CIB3: variants seen among roughly 807,000 people sequenced by gnomAD.
CIB3 encodes the protein calcium and integrin-binding family member 3.
In CIB3, 22 loss-of-function variants were observed where a neutral mutation model predicts 23.4. The observed-to-expected ratio is 0.94, with a 90% confidence interval of 0.67 to 1.34. The LOEUF (loss-of-function observed/expected upper bound fraction) is 1.34, where lower values mean the gene tolerates loss of function less well. CIB3 is among the 40% of genes most tolerant of loss of function. The probability of loss-of-function intolerance (pLI) is 0.00; values close to 1 mark genes in which losing one functional copy is unlikely to be tolerated. For missense variants in CIB3, 258 were observed against 247.3 expected (o/e 1.04, Z -0.29); for synonymous variants, 93 against 95.8 (o/e 0.97, Z 0.17).
intron 2 of CIB3, among the ~76,000 whole-genome samples, chr19:16,170,127 G>A (rs1192189200): frequency 6.6e-6 from 1 of 152,110 alleles, no homozygotes. Context: ...ATTCACAGCT[G>A]CTCACTGCAC....
chr19:16,165,496 T>C (rs1468595853), intron 4 of CIB3, among the ~76,000 whole-genome samples: 2 of 151,678 alleles, frequency 1.3e-5, no homozygotes, highest in East Asian at 3.9e-4. Flanking sequence ...CAGGCTGGAG[T>C]GCAGTGGCAC....
At chr19:16,172,567 G>C (rs976707810) in intron 2 of CIB3, among the ~76,000 whole-genome samples, 11 of 152,176 alleles carry the variant, frequency 7.2e-5, no homozygotes, top group African/African-American at 2.7e-4. Flanking sequence ...GACTGGGACA[G>C]TATGACAAGA....
chr19:16,169,068 C>T (rs747156269), intron 3 of CIB3, among the ~76,000 whole-genome samples: 2 of 152,164 alleles, frequency 1.3e-5, no homozygotes, highest in Non-Finnish European at 2.9e-5. Flanking sequence ...ACACACAACA[C>T]ACCCTGTACT....
chr19:16,163,065 A>G (rs2091291712), intron 5 of CIB3, among the ~76,000 whole-genome samples: 1 of 151,320 alleles, frequency 6.6e-6, no homozygotes, highest in South Asian at 2.1e-4. Context: ...TAATTTTTGT[A>G]TTTTTAGTAG....
chr19:16,171,491 T>C (rs972356777), intron 2 of CIB3, among the ~76,000 whole-genome samples: 12 of 152,060 alleles, frequency 7.9e-5, no homozygotes. Flanking sequence ...GACTAGGAAC[T>C]CAATGAAGGT....
At chr19:16,166,060 G>A (rs2091304548) in intron 4 of CIB3, among the ~76,000 whole-genome samples, 2 of 152,174 alleles carry the variant, frequency 1.3e-5, no homozygotes, top group Non-Finnish European at 2.9e-5. Context: ...GGGAGGTGGA[G>A]ATGGGTAGAT....
chr19:16,173,365 T>C (rs1230046035), intron 1 of CIB3, 60 bp downstream of exon 1: 5 of 1,575,610 alleles, frequency 3.2e-6, no homozygotes, highest in African/African-American at 1.4e-5. Context: ...TGTTCCCATT[T>C]CCCAGACCAC....
chr19:16,173,510 C>T lies in CIB3; in HGVS notation c.-35G>A, dbSNP rs2091339497. 1 of 1,596,216 alleles carries T rather than the reference C, an allele frequency of 6.3e-7. No individual in the cohort carries two copies. The highest frequency in any genetic ancestry group is 1.7e-5 in the Admixed American group (1 of 59,916). On this transcript the variant is annotated 5_prime_UTR_variant, in exon 1 of 6. Transcript: ENST00000269878. ...CACAGCCCAGACTTGGGGATGCACC[C>T]CAAAGGCTCCCAGCTTCCTCGGGGC...
In CIB3 at chr19:16,168,280, T is replaced by C; in HGVS notation, c.203A>G (p.Asn68Ser). The part of the protein sequence containing the change: ...LIGSMPELKD[N>S]PFRQRIAQVF... ...CTGGGCAATCCTCTGGCGGAAGGGG[T>C]TGTCCTGGGGACAGAAAGGAAGCTG... is the stretch of plus-strand genomic sequence containing the variant. Residue 68 changes from asparagine (N) to serine (S), a missense_variant, in exon 4 of 6, where the codon AAC becomes AGC. Coordinates refer to ENST00000269878, the MANE Select transcript of CIB3 (RefSeq NM_054113.4). The C allele has an allele frequency of 1.2e-6, 2 of 1,613,540 alleles. No individual in the cohort carries two copies. Among genetic ancestry groups the C allele is most frequent in the East Asian group, 4.5e-5 (2 of 44,870 alleles).
chr19:16,166,230 G>T (rs966547414), intron 4 of CIB3, among the ~76,000 whole-genome samples: 3 of 152,174 alleles, frequency 2.0e-5, no homozygotes, highest in Admixed American at 2.0e-4. Context: ...AGTGGAAGTT[G>T]CAGTGATCTG....
At chr19:16,168,739 T>A (rs2091316096) in intron 3 of CIB3, among the ~76,000 whole-genome samples, 1 of 152,028 alleles carries the variant, frequency 6.6e-6, no homozygotes, top group Non-Finnish European at 1.5e-5. Flanking sequence ...GACTGAAACC[T>A]CTTCCTGGGA....
intron 3 of CIB3, among the ~76,000 whole-genome samples, chr19:16,169,272 T>C (rs2091318022): frequency 6.6e-6 from 1 of 152,202 alleles, no homozygotes; most frequent in African/African-American, 2.4e-5. Flanking sequence ...GTCTCCCTAG[T>C]AGCTGGGATT....
chr19:16,163,331 A>G (rs1272400376), intron 5 of CIB3, among the ~76,000 whole-genome samples: 2 of 152,076 alleles, frequency 1.3e-5, no homozygotes, highest in Admixed American at 1.3e-4. Context: ...ACAGTAGGTG[A>G]ATCACTTGAG....
At chr19:16,163,206 G>A (rs1307715670) in intron 5 of CIB3, among the ~76,000 whole-genome samples, 2 of 152,078 alleles carry the variant, frequency 1.3e-5, no homozygotes, top group East Asian at 1.9e-4. Flanking sequence ...AGGCTGCAGT[G>A]AGCCGATTGC....
At chr19:16,165,442 C>T (rs563517699) in intron 4 of CIB3, among the ~76,000 whole-genome samples, 4 of 95,888 alleles carry the variant, frequency 4.2e-5, no homozygotes, top group African/African-American at 1.3e-4. Context: ...ATTTTTCATT[C>T]GTTCTTTTTT....
intron 5 of CIB3, 22 bp downstream of exon 5, chr19:16,164,696 G>T: frequency 6.2e-7 from 1 of 1,607,288 alleles, no homozygotes; most frequent in Non-Finnish European, 8.5e-7. Flanking sequence ...AATGGACTGT[G>T]GGCGGTGACG....
intron 5 of CIB3, 55 bp downstream of exon 5, chr19:16,164,663 G>C: frequency 2.7e-6 from 4 of 1,491,140 alleles, no homozygotes; most frequent in East Asian, 2.3e-5. Flanking sequence ...AACTGTCTGC[G>C]TAAGAGCCCC....
chr19:16,166,468 G>A (rs1388259442), intron 4 of CIB3, among the ~76,000 whole-genome samples: 1 of 152,082 alleles, frequency 6.6e-6, no homozygotes, highest in African/African-American at 2.4e-5. Context: ...AGTGCCTACT[G>A]TGTAGTGGGC....
chr19:16,171,942 G>T (rs2091329953), intron 2 of CIB3, among the ~76,000 whole-genome samples: 1 of 152,242 alleles, frequency 6.6e-6, no homozygotes, highest in Admixed American at 6.5e-5. Context: ...CCAAGTTCAT[G>T]GGTCGGGGCC....
Sources: gnomAD v4.1 joint callset for allele counts (sites outside exome capture counted in the v4.1 genomes callset) on GRCh38, gnomAD v4.1.1 for gene constraint, MANE v1.5 for transcripts, NCBI Gene and HGNC (gene_info 2026-07-23, HGNC 2026-07-21) for gene names.